The following NHLRC2 variants were observed in gnomAD, a reference collection of about 807,000 sequenced individuals.
The protein encoded by NHLRC2 is NHL repeat containing 2, also known as NHL repeat-containing protein 2.
Under a neutral mutation model 68.1 loss-of-function variants are expected in NHLRC2, and 33 were observed. That is an observed-to-expected ratio of 0.48 (90% CI 0.37 to 0.65). The LOEUF (loss-of-function observed/expected upper bound fraction) is 0.65, where lower values mean the gene tolerates loss of function less well. Ranked by LOEUF, NHLRC2 falls within the 30% of genes least tolerant of loss-of-function variation. NHLRC2 has a pLI of 0.00. For synonymous variants in NHLRC2, 311 were observed against 309.6 expected, an observed-to-expected ratio of 1.00 and a Z score of -0.05; for missense variants, 761 against 853.8, an observed-to-expected ratio of 0.89 and a Z score of 1.35.
chr10:113,914,942 G>A lies in NHLRC2; in HGVS notation c.*6406G>A, dbSNP rs771483860. 3.1e-5 allele frequency: 14 copies of A among 455,620 alleles called. No homozygotes were observed. The highest frequency in any genetic ancestry group is 1.4e-4 in the Admixed American group (6 of 42,528). 28.2% of individuals were successfully genotyped at this position (455,620 alleles called of 1,614,324 possible). A position where few individuals can be genotyped will look rare whatever the true frequency, so the allele number is the denominator to read the frequency against. ...CTTTACATATGAGCTCTGGAGGTTCGCCTGGCTGCCTCAGGCTTGCAGAAG... is the reference window on the plus strand; with the variant it reads ...CTTTACATATGAGCTCTGGAGGTTCACCTGGCTGCCTCAGGCTTGCAGAAG... On this transcript the variant is annotated 3_prime_UTR_variant, in exon 11 of 11. Transcript: ENST00000369301.
At position 113,879,694 on chromosome 10, in the gene NHLRC2, A is replaced by G. The variant is rs757212092; in HGVS notation, c.908A>G (p.Lys303Arg). The G allele has an allele frequency of 6.8e-7, 1 of 1,464,142 alleles. No individual in the cohort carries two copies. Among genetic ancestry groups the G allele is most frequent in the Non-Finnish European group, 9.3e-7 (1 of 1,075,750 alleles). 90.7% of individuals were successfully genotyped at this position (1,464,142 alleles called of 1,614,324 possible). A position where few individuals can be genotyped will look rare whatever the true frequency, so the allele number is the denominator to read the frequency against. The change falls in exon 4 of 11, where the codon AAG (lysine) becomes AGG (arginine). Residue 303 changes from lysine to arginine, a missense_variant and splice_region_variant. Coordinates refer to ENST00000369301, the MANE Select transcript of NHLRC2 (RefSeq NM_198514.4). ...VADTENHLIR[K>R]IDLEAEKVST... The stretch of plus-strand genomic sequence containing the variant: ...GACACTGAAAACCACCTTATAAGAA[A>G]GGTAATTTTCATTTTAAATTTGTTT...
intron 2 of NHLRC2, among the ~76,000 whole-genome samples, chr10:113,862,319 TTG>T (rs1262370944): frequency 1.3e-5 from 2 of 152,144 alleles, no homozygotes; most frequent in Admixed American, 6.5e-5. Context: ...AGCAGAGTTT[TTG>T]TGTGTTATTG....
chr10:113,872,773 AAAAGTT>A (rs1382618669), intron 2 of NHLRC2, among the ~76,000 whole-genome samples: 1 of 151,752 alleles, frequency 6.6e-6, no homozygotes, highest in Admixed American at 6.6e-5. Flanking sequence ...AAAAAAAAAA[AAAAGTT>A]AAAAGGTTTA....
rs1846363672 is a variant in NHLRC2, at chr10:113,914,573, G to A, written c.*6037G>A. ...AGACTTAACTTTTCATTCTTAGTGT[G>A]CTAATTAAGTAGTAGTATGGTGCAG... On this transcript the variant is annotated 3_prime_UTR_variant, in exon 11 of 11. Coordinates refer to ENST00000369301, the MANE Select transcript of NHLRC2 (RefSeq NM_198514.4). 5.2e-6 allele frequency: 1 copy of A among 192,506 alleles called. No homozygotes were observed. Among genetic ancestry groups the A allele is most frequent in the African/African-American group, 2.4e-5 (1 of 41,800 alleles). 11.9% of individuals were successfully genotyped at this position (192,506 alleles called of 1,614,324 possible).
Position 113,854,713 on chromosome 10 carries a change from C to CG in NHLRC2, c.-160_-159insG. The stretch of plus-strand genomic sequence containing the variant: ...CCGATTTGGACTTTTGGCACTTGGA[C>CG]CTATGCTTTAAAAAGAAAAAAGTGT... On this transcript the variant is annotated 5_prime_UTR_variant, in exon 1 of 11. Transcript: ENST00000369301. 1.6e-6 allele frequency: 1 copy of CG among 613,760 alleles called. No individual in the cohort carries two copies. The highest frequency in any genetic ancestry group is 2.9e-5 in the East Asian group (1 of 34,648). 38.0% of individuals were successfully genotyped at this position (613,760 alleles called of 1,614,324 possible). A position where few individuals can be genotyped will look rare whatever the true frequency, so the allele number is the denominator to read the frequency against.
At chr10:113,878,475 C>T (rs1192649956) in intron 3 of NHLRC2, among the ~76,000 whole-genome samples, 2 of 152,212 alleles carry the variant, frequency 1.3e-5, no homozygotes, top group South Asian at 2.1e-4. Context: ...CCCAAATCAC[C>T]AGCTAGAAAG....
intron 2 of NHLRC2, among the ~76,000 whole-genome samples, chr10:113,863,098 T>C (rs565191979): frequency 1.3e-5 from 2 of 152,190 alleles, no homozygotes; most frequent in South Asian, 4.1e-4. Flanking sequence ...AATAGACAAT[T>C]CTACAATAGT....
intron 2 of NHLRC2, among the ~76,000 whole-genome samples, chr10:113,865,766 T>C (rs1845862260): frequency 6.6e-6 from 1 of 152,182 alleles, no homozygotes; most frequent in Non-Finnish European, 1.5e-5. Flanking sequence ...AAAATCCTGA[T>C]AACTTAAAAG....
At chr10:113,892,647 CT>C (rs574676017) in intron 5 of NHLRC2, among the ~76,000 whole-genome samples, 503 of 143,776 alleles carry the variant, frequency 3.5e-3, no homozygotes, top group Middle Eastern at 0.011. Context: ...TGCCAGCCCT[CT>C]TTTTTTTTTT....
chr10:113,897,721 C>T (rs542639944), intron 5 of NHLRC2, among the ~76,000 whole-genome samples: 1 of 152,266 alleles, frequency 6.6e-6, no homozygotes, highest in East Asian at 1.9e-4. Flanking sequence ...CAGAGACAGT[C>T]CCCAGAATAT....
chr10:113,914,565 C>T lies in NHLRC2; in HGVS notation c.*6029C>T, dbSNP rs1317164067. The T allele has an allele frequency of 2.1e-5, 4 of 189,018 alleles. No homozygotes were observed. Among genetic ancestry groups the T allele is most frequent in the African/African-American group, 9.6e-5 (4 of 41,746 alleles). The allele number at this position is 189,018 out of a possible 1,614,324, so 11.7% of individuals were successfully genotyped here. The stretch of plus-strand genomic sequence containing the variant: ...CAGAATGCAGACTTAACTTTTCATT[C>T]TTAGTGTGCTAATTAAGTAGTAGTA... On this transcript the variant is annotated 3_prime_UTR_variant, in exon 11 of 11. Coordinates refer to ENST00000369301, the MANE Select transcript of NHLRC2 (RefSeq NM_198514.4).
At chr10:113,858,775 CAAGG>C (rs1845787647) in intron 2 of NHLRC2, 95 bp downstream of exon 2, 9 of 814,840 alleles carry the variant, frequency 1.1e-5, no homozygotes, top group Non-Finnish European at 1.8e-5. Context: ...GAACATTTGG[CAAGG>C]CTTCAGGGAT....
chr10:113,883,580 A>G (rs1846054819), intron 4 of NHLRC2, among the ~76,000 whole-genome samples: 1 of 151,914 alleles, frequency 6.6e-6, no homozygotes, highest in South Asian at 2.1e-4. Context: ...TTCCCAATAC[A>G]TTGTTGGGGA....
intron 1 of NHLRC2, among the ~76,000 whole-genome samples, chr10:113,857,952 T>G (rs570529372): frequency 2.6e-5 from 4 of 152,208 alleles, no homozygotes; most frequent in African/African-American, 9.6e-5. Flanking sequence ...TTTAGTTATA[T>G]CTTACTATTC....
intron 2 of NHLRC2, among the ~76,000 whole-genome samples, chr10:113,871,182 G>A (rs1415899586): frequency 2.0e-5 from 3 of 151,798 alleles, no homozygotes; most frequent in Non-Finnish European, 2.9e-5. Flanking sequence ...GTGCCACCAC[G>A]CCCGGCTAAT....
intron 2 of NHLRC2, among the ~76,000 whole-genome samples, chr10:113,867,771 A>G (rs1845882443): frequency 6.6e-6 from 1 of 152,020 alleles, no homozygotes. Flanking sequence ...TTTTTTTAGC[A>G]TCTTTCGAAA....
At position 113,913,897 on chromosome 10, in the gene NHLRC2, G is replaced by C. The variant is rs1846352480; in HGVS notation, c.*5361G>C. The C allele has an allele frequency of 6.7e-6, 1 of 148,524 alleles. No individual in the cohort carries two copies. Among genetic ancestry groups the C allele is most frequent in the Non-Finnish European group, 1.5e-5 (1 of 67,592 alleles). The allele number at this position is 148,524 out of a possible 1,614,324, so 9.2% of individuals were successfully genotyped here. A position where few individuals can be genotyped will look rare whatever the true frequency, so the allele number is the denominator to read the frequency against. ...GAGTCTCACTCTGTCACCCAGGCTG[G>C]AGTGCAAGGGTACAATCTCAGCTCA... On this transcript the variant is annotated 3_prime_UTR_variant, in exon 11 of 11. Transcript: ENST00000369301.
Position 113,915,257 on chromosome 10 carries a change from TC to T in NHLRC2, c.*6724del, listed in dbSNP as rs1564861888. On this transcript the variant is annotated 3_prime_UTR_variant, in exon 11 of 11. Coordinates refer to ENST00000369301, the MANE Select transcript of NHLRC2 (RefSeq NM_198514.4). ...TATTGCAACTATTTGCAAACATACT[TC>T]CCTACCTGTACAAGCAGCCATATAC... 2.2e-6 allele frequency: 1 copy of T among 456,230 alleles called. No homozygotes were observed. The highest frequency in any genetic ancestry group is 2.3e-5 in the Admixed American group (1 of 42,582). 28.3% of individuals were successfully genotyped at this position (456,230 alleles called of 1,614,324 possible).
At chr10:113,900,864 A>G (rs1846221550) in intron 6 of NHLRC2, among the ~76,000 whole-genome samples, 1 of 152,116 alleles carries the variant, frequency 6.6e-6, no homozygotes, top group South Asian at 2.1e-4. Flanking sequence ...CCATATTCAG[A>G]AATGATTTAC....
Sources: gnomAD v4.1 joint callset for allele counts (sites outside exome capture counted in the v4.1 genomes callset) on GRCh38, gnomAD v4.1.1 for gene constraint, MANE v1.5 for transcripts, NCBI Gene and HGNC (gene_info 2026-07-23, HGNC 2026-07-21) for gene names.